FBXO42: variants seen among roughly 807,000 people sequenced by gnomAD.
FBXO42 encodes F-box only protein 42.
A neutral mutation model predicts 71.7 loss-of-function variants in FBXO42; 12 were observed. That is an observed-to-expected ratio of 0.17 (90% CI 0.11 to 0.27). The LOEUF (loss-of-function observed/expected upper bound fraction) is 0.27. Among genes scored for constraint, FBXO42 ranks in the 10% least tolerant of loss-of-function variants. The pLI, the probability that FBXO42 is intolerant of heterozygous loss-of-function variation, is 1.00. For missense variants in FBXO42, 707 were observed against 911.9 expected, an observed-to-expected ratio of 0.78 and a Z score of 2.89; for synonymous variants, 325 against 327.5, an observed-to-expected ratio of 0.99 and a Z score of 0.08.
intron 5 of FBXO42, among the ~76,000 whole-genome samples, chr1:16,256,046 A>G (rs1458170109): frequency 6.6e-6 from 1 of 152,204 alleles, no homozygotes; most frequent in African/African-American, 2.4e-5. Context: ...GAGAGAGATG[A>G]GAAAACGATG....
Position 16,252,575 on chromosome 1 carries a change from C to G in FBXO42, c.922-171G>C. Among the ~76,000 whole-genome samples the G allele has an allele frequency of 6.6e-6, 1 of 152,164 alleles. No individual in the cohort carries two copies. Among genetic ancestry groups the G allele is most frequent in the South Asian group, 2.1e-4 (1 of 4,834 alleles). On this transcript the variant is annotated intron_variant, in intron 8 of 9. Transcript: ENST00000375592. The surrounding 1 kb of genome is among the most constrained non-coding windows in gnomAD (Gnocchi z 4.4). The stretch of plus-strand genomic sequence containing the variant: ...ATTCAGTTGTGCATGCATCCACTTA[C>G]GCTTTCATTCATTCATATATTACCA...
At chr1:16,268,823 C>CA (rs894838725) in intron 4 of FBXO42, among the ~76,000 whole-genome samples, 1 of 151,312 alleles carries the variant, frequency 6.6e-6, no homozygotes, top group Non-Finnish European at 1.5e-5. Context: ...AACAAACGAA[C>CA]AAAAAAACAA....
chr1:16,251,440 C>T lies in FBXO42; in HGVS notation c.1384G>A (p.Ala462Thr). ...GGSSLDSPVQ[A>T]ISPSTPSAPE... is the part of the protein sequence containing the mutation. The stretch of plus-strand genomic sequence containing the variant: ...GCAGATGGAGTACTTGGAGATATGG[C>T]CTGTACAGGACTGTCCAAAGAAGAG... The change falls in exon 10 of 10, where the codon GCC (alanine) becomes ACC (threonine). Residue 462 changes from alanine to threonine, a missense_variant. By Grantham distance (58) the Ala-to-Thr change is moderately conservative. Around this residue, in one of 5 missense-constraint regions of FBXO42, gnomAD observed 482 missense variants for 587.1 expected, o/e 0.82. Coordinates refer to ENST00000375592, the MANE Select transcript of FBXO42 (RefSeq NM_018994.3). The surrounding 1 kb of genome is among the most constrained non-coding windows in gnomAD (Gnocchi z 4.5). The T allele has an allele frequency of 1.2e-6, 2 of 1,614,136 alleles. No homozygotes were observed. The highest frequency in any genetic ancestry group is 2.2e-5 in the East Asian group (1 of 44,888).
chr1:16,310,061 G>C (rs1363593550), intron 2 of FBXO42, among the ~76,000 whole-genome samples: 1 of 151,960 alleles, frequency 6.6e-6, no homozygotes, highest in Non-Finnish European at 1.5e-5. Flanking sequence ...CGGGTGTGGT[G>C]GTGGATGCCT....
At position 16,251,274 on chromosome 1, in the gene FBXO42, C is replaced by A; in HGVS notation, c.1550G>T (p.Gly517Val). ...TCCCCCAACTGTCCTATTGTCCATG[C>A]CATCCATGGGATTACTACTGGAAGC... ...KPASSSNPMD[G>V]MDNRTVGGSM... The change falls in exon 10 of 10, where the codon GGC (glycine) becomes GTC (valine). Residue 517 changes from glycine (G) to valine (V), a missense_variant. This residue lies in a region of FBXO42 where 482 missense variants were observed against 587.1 expected (regional missense o/e 0.82). Transcript: ENST00000375592. This position sits in a 1 kb window ranked among gnomAD's most constrained non-coding sequence, Gnocchi z 4.5. 1.2e-6 allele frequency: 2 copies of A among 1,614,198 alleles called. No individual in the cohort carries two copies. The highest frequency in any genetic ancestry group is 1.7e-6 in the Non-Finnish European group (2 of 1,180,030).
Position 16,252,218 on chromosome 1 carries a change from C to T in FBXO42, c.1038+70G>A. On this transcript the variant is annotated intron_variant, in intron 9 of 9. Transcript: ENST00000375592. The surrounding 1 kb of genome is among the most constrained non-coding windows in gnomAD (Gnocchi z 4.4). ...ATTTTTGTACAAATTTCTTTGTAAC[C>T]TGACAAAGTAATGTGGTTTTCCACA... 1 of 1,183,686 alleles carries T rather than the reference C, an allele frequency of 8.4e-7. No homozygotes were observed. The highest frequency in any genetic ancestry group is 1.3e-5 in the South Asian group (1 of 78,886). The allele number at this position is 1,183,686 out of a possible 1,614,324, so 73.3% of individuals were successfully genotyped here.
rs116500015 is a variant in FBXO42, at chr1:16,329,240, G to A, written c.-17-13805C>T. Among the ~76,000 whole-genome samples, 763 of 151,564 alleles carry A rather than the reference G, an allele frequency of 5.0e-3. 7 individuals are homozygous for A. Among genetic ancestry groups the A allele is most frequent in the African/African-American group, 0.018 (729 of 41,340 alleles). On this transcript the variant is annotated intron_variant, in intron 1 of 9. Coordinates refer to ENST00000375592, the MANE Select transcript of FBXO42 (RefSeq NM_018994.3). ...GGAGGCAGATGAAAGAGCTCCTGAT[G>A]GTCAAAACTGAAACAACTGGGCCAT...
chr1:16,301,783 T>C (rs1021831134), intron 3 of FBXO42, among the ~76,000 whole-genome samples: 6 of 151,922 alleles, frequency 3.9e-5, no homozygotes, highest in African/African-American at 1.4e-4. Flanking sequence ...ATCATCATCC[T>C]ACTTTTTTAC....
At chr1:16,306,707 A>T (rs919006642) in intron 2 of FBXO42, among the ~76,000 whole-genome samples, 1 of 151,750 alleles carries the variant, frequency 6.6e-6, no homozygotes, top group African/African-American at 2.4e-5. Context: ...TTGTTTATTT[A>T]TTTTTTTCTT....
chr1:16,253,231 A>C (rs770188173), intron 7 of FBXO42, 79 bp from the exon 8 acceptor site: 3 of 1,258,154 alleles, frequency 2.4e-6, no homozygotes, highest in Non-Finnish European at 3.4e-6. Flanking sequence ...GTATATGAGA[A>C]TAGCCTACCT....
rs1001964135 is a variant in FBXO42 at position 16,338,494 on chromosome 1, T to A, written c.-18+13761A>T. 2.8e-4 allele frequency among the ~76,000 whole-genome samples: 42 copies of A among 152,228 alleles called. No individual in the cohort carries two copies. The East Asian group carries it at 7.9e-3, about 29-fold the overall frequency. On this transcript the variant is annotated intron_variant, in intron 1 of 9. Transcript: ENST00000375592. Reference sequence around the variant, plus strand: ...ATCCCCCTGCTTTGATGCTGGGCATTGTCATCCACACTTGAACCAAAATAG... The same window carrying A: ...ATCCCCCTGCTTTGATGCTGGGCATAGTCATCCACACTTGAACCAAAATAG...
intron 3 of FBXO42, among the ~76,000 whole-genome samples, chr1:16,300,678 A>G (rs947148562): frequency 6.6e-6 from 1 of 152,138 alleles, no homozygotes; most frequent in Non-Finnish European, 1.5e-5. Flanking sequence ...AAGGGCGGTT[A>G]TCCAGTCTGG....
At chr1:16,274,602 T>G (rs866103442) in intron 4 of FBXO42, among the ~76,000 whole-genome samples, 1 of 119,340 alleles carries the variant, frequency 8.4e-6, no homozygotes, top group Non-Finnish European at 1.7e-5. Context: ...TTTTTTTTTT[T>G]TTTTTTTTGA....
chr1:16,340,814 A>C (rs571149752), intron 1 of FBXO42, among the ~76,000 whole-genome samples: 1 of 152,350 alleles, frequency 6.6e-6, no homozygotes, highest in South Asian at 2.1e-4. Flanking sequence ...GAACAACTGA[A>C]CCCTTATTTC....
intron 1 of FBXO42, among the ~76,000 whole-genome samples, chr1:16,333,579 G>A (rs11260729): frequency 2.0e-5 from 3 of 151,808 alleles, no homozygotes; most frequent in Non-Finnish European, 4.4e-5. Flanking sequence ...AGTGCAAGAC[G>A]ATCTCTTAAA....
At chr1:16,309,367 G>A (rs950924868) in intron 2 of FBXO42, among the ~76,000 whole-genome samples, 12 of 151,166 alleles carry the variant, frequency 7.9e-5, no homozygotes, top group African/African-American at 2.7e-4. Context: ...ATGAGCCACC[G>A]CGCCTGGCCA....
chr1:16,348,409 G>C (rs1001293606), intron 1 of FBXO42, among the ~76,000 whole-genome samples: 3 of 152,086 alleles, frequency 2.0e-5, no homozygotes, highest in African/African-American at 7.2e-5. Context: ...TAAAAGTTTA[G>C]TGTAATTCGT....
At chr1:16,264,899 C>T (rs1460940769) in intron 4 of FBXO42, among the ~76,000 whole-genome samples, 3 of 152,158 alleles carry the variant, frequency 2.0e-5, no homozygotes, top group African/African-American at 7.2e-5. Flanking sequence ...TTCTTGTTTA[C>T]GTTTGCAAAG....
Position 16,252,191 on chromosome 1 carries a change from C to A in FBXO42, c.1038+97G>T. ...CTCTTTTGTGACACCAAGGTGTTTT[C>A]TATTTTTGTACAAATTTCTTTGTAA... On this transcript the variant is annotated intron_variant, in intron 9 of 9. Coordinates refer to ENST00000375592, the MANE Select transcript of FBXO42 (RefSeq NM_018994.3). The surrounding 1 kb of genome is among the most constrained non-coding windows in gnomAD (Gnocchi z 4.4). 1 of 950,054 alleles carries A rather than the reference C, an allele frequency of 1.1e-6. No homozygotes were observed. The highest frequency in any genetic ancestry group is 1.5e-5 in the South Asian group (1 of 68,766). The allele number at this position is 950,054 out of a possible 1,614,324, so 58.9% of individuals were successfully genotyped here.
Sources: gnomAD v4.1 joint callset for allele counts (sites outside exome capture counted in the v4.1 genomes callset) on GRCh38, gnomAD v4.1.1 for gene constraint, gnomAD v4.1.1 regional missense constraint, Gnocchi (gnomAD v3.1) non-coding constraint, MANE v1.5 for transcripts, NCBI Gene and HGNC (gene_info 2026-07-23, HGNC 2026-07-21) for gene names.